RBFOX1: variants seen among roughly 807,000 people sequenced by gnomAD.
RBFOX1 encodes the protein RNA binding fox-1 homolog 1.
Under a neutral mutation model 57.7 loss-of-function variants are expected in RBFOX1, and 8 were observed. The ratio of observed to expected loss-of-function variants is 0.14; its 90% CI spans 0.08 to 0.25. RBFOX1 has a LOEUF of 0.25. Ranked by LOEUF, RBFOX1 falls within the 10% of genes least tolerant of loss-of-function variation. The pLI is 1.00. For missense variants in RBFOX1, 611 were observed against 548.5 expected (o/e 1.11, Z -1.14); for synonymous variants, 326 against 222.4 (o/e 1.47, Z -4.15).
intron 10 of RBFOX1, among the ~76,000 whole-genome samples, chr16:7,624,390 AT>A (rs2059764276): frequency 6.6e-6 from 1 of 152,210 alleles, no homozygotes; most frequent in Non-Finnish European, 1.5e-5. Context: ...AGTGTGACTA[AT>A]TATGTAGGCT....
chr16:5,544,293 G>A (rs1261765356), intron 2 of RBFOX1, among the ~76,000 whole-genome samples: 1 of 152,176 alleles, frequency 6.6e-6, no homozygotes, highest in Non-Finnish European at 1.5e-5. Flanking sequence ...GAAATTCTCA[G>A]GTTTTTTGAA....
chr16:5,695,574 A>G (rs531957415), intron 3 of RBFOX1, among the ~76,000 whole-genome samples: 1 of 152,336 alleles, frequency 6.6e-6, no homozygotes, highest in South Asian at 2.1e-4. Context: ...TAGGATTGCT[A>G]AAACTTGGAA....
At chr16:7,270,713 G>C (rs2095297569) in intron 4 of RBFOX1, among the ~76,000 whole-genome samples, 1 of 152,158 alleles carries the variant, frequency 6.6e-6, no homozygotes, top group Non-Finnish European at 1.5e-5. Context: ...ATTCACTACT[G>C]TTTCTTTCAG....
intron 13 of RBFOX1, among the ~76,000 whole-genome samples, chr16:7,669,051 C>T (rs534448667): frequency 1.3e-5 from 2 of 152,288 alleles, no homozygotes; most frequent in African/African-American, 4.8e-5. Context: ...ATTACAGGCA[C>T]TCGCCACCAT....
At chr16:6,955,381 TACAC>T (rs1318857795) in intron 3 of RBFOX1, among the ~76,000 whole-genome samples, 1 of 149,930 alleles carries the variant, frequency 6.7e-6, no homozygotes, top group Non-Finnish European at 1.5e-5. Context: ...CACGTGCACA[TACAC>T]ACACTCAAAA....
chr16:6,230,668 A>G (rs1027057212), intron 1 of RBFOX1, among the ~76,000 whole-genome samples: 1 of 152,182 alleles, frequency 6.6e-6, no homozygotes, highest in Non-Finnish European at 1.5e-5. Flanking sequence ...TTCTTCACGC[A>G]TAACAATTCA....
At chr16:5,339,277 C>T (rs368076170) in intron 1 of RBFOX1, among the ~76,000 whole-genome samples, 27 of 151,958 alleles carry the variant, frequency 1.8e-4, no homozygotes, top group East Asian at 1.2e-3. Flanking sequence ...TGTCTGCCCC[C>T]GCTGCCGCTT....
At chr16:5,282,918 C>T (rs1364196569) in intron 1 of RBFOX1, among the ~76,000 whole-genome samples, 1 of 152,180 alleles carries the variant, frequency 6.6e-6, no homozygotes, top group Non-Finnish European at 1.5e-5. Flanking sequence ...GTCTCCAGGG[C>T]ATGTCACAGG....
intron 3 of RBFOX1, among the ~76,000 whole-genome samples, chr16:6,914,848 A>C (rs1371140277): frequency 2.0e-5 from 3 of 152,220 alleles, no homozygotes; most frequent in Non-Finnish European, 4.4e-5. Context: ...AGATCGCAAC[A>C]TTGTGTTCCA....
At chr16:7,444,822 G>T (rs944517232) in intron 4 of RBFOX1, among the ~76,000 whole-genome samples, 1 of 152,082 alleles carries the variant, frequency 6.6e-6, no homozygotes, top group African/African-American at 2.4e-5. Context: ...ATAAGCCACC[G>T]TGCCCCACTG....
At chr16:5,278,677 C>G (rs1420526751) in intron 1 of RBFOX1, among the ~76,000 whole-genome samples, 3 of 152,134 alleles carry the variant, frequency 2.0e-5, no homozygotes, top group African/African-American at 4.8e-5. Flanking sequence ...TCTTTGTTCT[C>G]AAGAGTTTCT....
intron 4 of RBFOX1, among the ~76,000 whole-genome samples, chr16:7,378,980 T>C (rs1157991996): frequency 6.6e-6 from 1 of 152,250 alleles, no homozygotes; most frequent in Non-Finnish European, 1.5e-5. Context: ...ATTTAGAATC[T>C]GGTGGACTGC....
At position 6,630,982 on chromosome 16, in the gene RBFOX1, A is replaced by G. The variant is rs574098352; in HGVS notation, c.-63-23621A>G. ...AATGCATTTAGATTTGGGGGAGGGA[A>G]GGAGGCTATACTTGGACCTAACTCC... On this transcript the variant is annotated intron_variant, in intron 2 of 15. Coordinates refer to ENST00000550418, the MANE Select transcript of RBFOX1 (RefSeq NM_018723.4). Among the ~76,000 whole-genome samples the G allele has an allele frequency of 5.8e-4, 89 of 152,290 alleles. 4 individuals are homozygous for G. In the South Asian group the frequency reaches 0.018, roughly 31 times the overall value.
intron 2 of RBFOX1, among the ~76,000 whole-genome samples, chr16:6,526,597 G>C (rs1044504628): frequency 3.9e-5 from 6 of 151,994 alleles, no homozygotes; most frequent in Admixed American, 2.0e-4. Context: ...TTGGGAGGTG[G>C]AGGTGGGCAG....
At chr16:6,895,472 A>G (rs1567761637) in intron 3 of RBFOX1, among the ~76,000 whole-genome samples, 13 of 114,886 alleles carry the variant, frequency 1.1e-4, no homozygotes, top group Admixed American at 2.6e-4. Flanking sequence ...ATATATATAT[A>G]TATATATATA....
intron 2 of RBFOX1, among the ~76,000 whole-genome samples, chr16:6,534,578 TG>T (rs2096709759): frequency 6.6e-6 from 1 of 152,152 alleles, no homozygotes; most frequent in Admixed American, 6.6e-5. Flanking sequence ...AATCACCAAA[TG>T]TTTAGTAAAT....
chr16:6,828,109 G>A (rs2092371540), intron 3 of RBFOX1, among the ~76,000 whole-genome samples: 1 of 152,192 alleles, frequency 6.6e-6, no homozygotes, highest in East Asian at 1.9e-4. Context: ...GAAGGTACAG[G>A]TGGCATGGGA....
intron 4 of RBFOX1, among the ~76,000 whole-genome samples, chr16:7,147,455 A>G (rs539085141): frequency 6.6e-6 from 1 of 151,962 alleles, no homozygotes; most frequent in East Asian, 2.0e-4. Flanking sequence ...ACGGTTTTTC[A>G]ACCCCGGCCT....
At chr16:7,175,956 G>T (rs1277898512) in intron 4 of RBFOX1, among the ~76,000 whole-genome samples, 1 of 152,056 alleles carries the variant, frequency 6.6e-6, no homozygotes, top group Non-Finnish European at 1.5e-5. Flanking sequence ...AACCTGGAAA[G>T]CTGTAAATGC....
Sources: gnomAD v4.1 joint callset for allele counts (sites outside exome capture counted in the v4.1 genomes callset) on GRCh38, gnomAD v4.1.1 for gene constraint, MANE v1.5 for transcripts, NCBI Gene and HGNC (gene_info 2026-07-23, HGNC 2026-07-21) for gene names.